The following CNTN4 variants were observed in gnomAD, a reference collection of about 807,000 sequenced individuals.
The protein encoded by CNTN4 is contactin 4, also known as contactin-4.
A neutral mutation model predicts 122.5 loss-of-function variants in CNTN4; 77 were observed. The observed-to-expected ratio is 0.63, with a 90% CI of 0.52 to 0.76. The LOEUF (loss-of-function observed/expected upper bound fraction) is 0.76. CNTN4 is among the 30% of genes least tolerant of loss of function. CNTN4 has a pLI of 0.00. For missense variants in CNTN4, 1,256 were observed against 1,259.1 expected, an observed-to-expected ratio of 1.00 and a Z score of 0.04; for synonymous variants, 512 against 447.0, an observed-to-expected ratio of 1.15 and a Z score of -1.83.
intron 7 of CNTN4, among the ~76,000 whole-genome samples, chr3:2,850,221 CTCA>C (rs1264828769): frequency 6.6e-6 from 1 of 152,124 alleles, no homozygotes; most frequent in East Asian, 1.9e-4. Context: ...AACTCCTGAC[CTCA>C]TCATCCACCC....
At chr3:2,608,745 C>G (rs2149805041) in intron 4 of CNTN4, among the ~76,000 whole-genome samples, 1 of 152,336 alleles carries the variant, frequency 6.6e-6, no homozygotes, top group East Asian at 1.9e-4. Flanking sequence ...CCTGGCCTCC[C>G]AGAGTCCTGG....
chr3:2,778,104 C>G (rs1474052033), intron 6 of CNTN4, among the ~76,000 whole-genome samples: 1 of 142,630 alleles, frequency 7.0e-6, no homozygotes, highest in Non-Finnish European at 1.5e-5. Flanking sequence ...GTCCCAGCTA[C>G]TCAGGAGGCT....
intron 19 of CNTN4, chr3:3,039,260 A>G (rs1460189689): frequency 2.4e-6 from 1 of 410,804 alleles, no homozygotes; most frequent in Non-Finnish European, 4.5e-6. Context: ...GTTACAAAAA[A>G]AAATAAAGAA....
At chr3:2,982,616 A>G (rs1205934336) in intron 13 of CNTN4, among the ~76,000 whole-genome samples, 1 of 152,174 alleles carries the variant, frequency 6.6e-6, no homozygotes, top group Non-Finnish European at 1.5e-5. Flanking sequence ...ATCCCAGCAG[A>G]AAGAGATTGT....
chr3:2,169,619 G>C (rs775711858), intron 2 of CNTN4, among the ~76,000 whole-genome samples: 10 of 151,696 alleles, frequency 6.6e-5, no homozygotes, highest in East Asian at 3.9e-4. Context: ...GGATGGTCTC[G>C]ATCTCCTGAC....
At chr3:2,859,540 T>G (rs1190091372) in intron 7 of CNTN4, among the ~76,000 whole-genome samples, 1 of 32,940 alleles carries the variant, frequency 3.0e-5, no homozygotes, top group Non-Finnish European at 5.9e-5. Context: ...CTTTCCTGGT[T>G]TTTTTTTTTT....
At chr3:2,698,781 G>T (rs1339504606) in intron 4 of CNTN4, among the ~76,000 whole-genome samples, 2 of 152,132 alleles carry the variant, frequency 1.3e-5, no homozygotes, top group African/African-American at 4.8e-5. Context: ...ACTTTGGGAG[G>T]CCAAGGCGGG....
intron 3 of CNTN4, among the ~76,000 whole-genome samples, chr3:2,375,170 G>C (rs1025680738): frequency 6.6e-6 from 1 of 152,124 alleles, no homozygotes; most frequent in African/African-American, 2.4e-5. Context: ...CTAAATATAT[G>C]GCATGTCTTT....
At chr3:2,322,204 A>C (rs1487631944) in intron 2 of CNTN4, among the ~76,000 whole-genome samples, 1 of 152,174 alleles carries the variant, frequency 6.6e-6, no homozygotes, top group Admixed American at 6.5e-5. Flanking sequence ...TCAAAATTTA[A>C]TTTGAAAGCA....
intron 3 of CNTN4, among the ~76,000 whole-genome samples, chr3:2,507,310 C>G (rs1443299548): frequency 6.6e-6 from 1 of 152,028 alleles, no homozygotes; most frequent in Non-Finnish European, 1.5e-5. Flanking sequence ...CACCCCTACC[C>G]CAAGTGGTAA....
At chr3:2,480,880 G>A (rs929086826) in intron 3 of CNTN4, among the ~76,000 whole-genome samples, 1 of 152,160 alleles carries the variant, frequency 6.6e-6, no homozygotes, top group Non-Finnish European at 1.5e-5. Flanking sequence ...AGACAGTGTG[G>A]TATTGTTGAA....
At chr3:2,485,644 T>C (rs1462625518) in intron 3 of CNTN4, among the ~76,000 whole-genome samples, 2 of 152,162 alleles carry the variant, frequency 1.3e-5, no homozygotes, top group Non-Finnish European at 2.9e-5. Flanking sequence ...AGAATCTTTG[T>C]CTAGCTAAGG....
intron 3 of CNTN4, among the ~76,000 whole-genome samples, chr3:2,358,956 A>AGT (rs2150521315): frequency 1.3e-5 from 2 of 152,250 alleles, no homozygotes; most frequent in African/African-American, 4.8e-5. Context: ...GCCTCTGCAG[A>AGT]GTGTACTTTT....
chr3:2,642,848 G>C lies in CNTN4; in HGVS notation c.55+71290G>C, dbSNP rs564749434. On this transcript the variant is annotated intron_variant, in intron 4 of 24. Coordinates refer to ENST00000418658, the MANE Select transcript of CNTN4 (RefSeq NM_175607.3). ...CTTTGTCTGCCCCTCAAGACCCAGG[G>C]GGCATATTTTGTTCTGATTGTTTGG... is the stretch of plus-strand genomic sequence containing the variant. Among the ~76,000 whole-genome samples the C allele has an allele frequency of 1.2e-4, 19 of 152,120 alleles. No homozygotes were observed. In the South Asian group the frequency reaches 3.7e-3, roughly 30 times the overall value.
chr3:2,802,487 A>G (rs1222242656), intron 6 of CNTN4, among the ~76,000 whole-genome samples: 2 of 152,220 alleles, frequency 1.3e-5, no homozygotes, highest in Non-Finnish European at 2.9e-5. Flanking sequence ...GTTCATAAGC[A>G]TAAGAAAATC....
chr3:2,619,085 G>A (rs2149904761), intron 4 of CNTN4, among the ~76,000 whole-genome samples: 1 of 152,304 alleles, frequency 6.6e-6, no homozygotes, highest in East Asian at 1.9e-4. Context: ...GTTTACTTGA[G>A]TATCTCTTCA....
chr3:2,212,706 G>T (rs955558499), intron 2 of CNTN4, among the ~76,000 whole-genome samples: 8 of 152,160 alleles, frequency 5.3e-5, no homozygotes, highest in Non-Finnish European at 1.2e-4. Context: ...CTTTAATTTA[G>T]TTTAAAATAG....
chr3:2,255,596 C>T (rs1214788285), intron 2 of CNTN4, among the ~76,000 whole-genome samples: 1 of 152,132 alleles, frequency 6.6e-6, no homozygotes, highest in Non-Finnish European at 1.5e-5. Context: ...GTCTCTCAGA[C>T]CACAGTGCAA....
At chr3:2,459,435 T>TTCCCATGGCATTTTCAG (rs2049121617) in intron 3 of CNTN4, among the ~76,000 whole-genome samples, 1 of 152,144 alleles carries the variant, frequency 6.6e-6, no homozygotes, top group Non-Finnish European at 1.5e-5. Context: ...GCCCCTGCTT[T>TTCCCATGGCATTTTCAG]TCCCATGGCA....
Sources: gnomAD v4.1 joint callset for allele counts (sites outside exome capture counted in the v4.1 genomes callset) on GRCh38, gnomAD v4.1.1 for gene constraint, MANE v1.5 for transcripts, NCBI Gene and HGNC (gene_info 2026-07-23, HGNC 2026-07-21) for gene names.